Variants in ANKRD30B observed in about 807,000 individuals in gnomAD.
ANKRD30B encodes the protein ankyrin repeat domain-containing protein 30B.
Under a neutral mutation model 202.2 loss-of-function variants are expected in ANKRD30B, and 144 were observed. The observed-to-expected ratio is 0.71, with a 90% CI of 0.62 to 0.82. The LOEUF is 0.82. ANKRD30B is among the 40% of genes least tolerant of loss of function. The pLI is 0.00. For synonymous variants in ANKRD30B, 508 were observed against 561.3 expected, an observed-to-expected ratio of 0.91 and a Z score of 1.34; for missense variants, 1,487 against 1,669.1, an observed-to-expected ratio of 0.89 and a Z score of 1.90.
At chr18:14,881,690 T>G in the ANKRD30B span, among the ~76,000 whole-genome samples, 1 of 152,134 alleles carries the variant, frequency 6.6e-6, no homozygotes, top group African/African-American at 2.4e-5. Flanking sequence ...GAAGACATTC[T>G]TTGAATGTCT....
At chr18:14,884,834 C>A in the ANKRD30B span, among the ~76,000 whole-genome samples, 6 of 152,090 alleles carry the variant, frequency 3.9e-5, no homozygotes, top group African/African-American at 1.4e-4. Context: ...TCTTGACAAA[C>A]CATTCAAAAT....
chr18:14,837,658 A>G lies in ANKRD30B; in HGVS notation c.2970A>G (p.Lys990=). The G allele has an allele frequency of 6.5e-7, 1 of 1,540,118 alleles. No individual in the cohort carries two copies. The highest frequency in any genetic ancestry group is 8.7e-7 in the Non-Finnish European group (1 of 1,144,556). Residue 990 remains lysine, a synonymous_variant, in exon 36 of 44, where the codon AAA becomes AAG. Coordinates refer to ENST00000690538, the MANE Select transcript of ANKRD30B (RefSeq NM_001367607.2). The stretch of plus-strand genomic sequence containing the variant: ...AATTAGGAAGAAAAGAAGATACAAA[A>G]TCAACTTCAGATTCTGAGGTACTGT... ...TSELGRKEDT[K]STSDSEIISV... is the part of the protein sequence containing the mutation.
intron 34 of ANKRD30B, among the ~76,000 whole-genome samples, chr18:14,834,462 T>C (rs1398083548): frequency 2.0e-5 from 3 of 151,934 alleles, no homozygotes; most frequent in Admixed American, 1.3e-4. Context: ...ACAGCAAAAA[T>C]AGTGGTTTAA....
chr18:14,896,026 A>C, the ANKRD30B span, among the ~76,000 whole-genome samples: 4 of 152,220 alleles, frequency 2.6e-5, no homozygotes, highest in South Asian at 8.3e-4. Context: ...TGGTATAAAT[A>C]AATATTGGCT....
the ANKRD30B span, among the ~76,000 whole-genome samples, chr18:14,891,250 T>C: frequency 1.3e-5 from 2 of 151,756 alleles, no homozygotes; most frequent in South Asian, 4.2e-4. Context: ...TTCATTCTCT[T>C]ATTTATTTTT....
chr18:14,888,335 A>G, the ANKRD30B span, among the ~76,000 whole-genome samples: 1 of 152,016 alleles, frequency 6.6e-6, no homozygotes, highest in African/African-American at 2.4e-5. Flanking sequence ...TTATTATTAT[A>G]GCAGCCATTT....
chr18:14,794,976 A>G (rs1395761647), intron 16 of ANKRD30B, among the ~76,000 whole-genome samples: 17 of 152,210 alleles, frequency 1.1e-4, no homozygotes, highest in Non-Finnish European at 8.8e-5. Flanking sequence ...TTTTTCTTGA[A>G]GCTAAGCTTT....
chr18:14,893,613 C>CA, the ANKRD30B span, among the ~76,000 whole-genome samples: 12,803 of 126,224 alleles, frequency 0.1, 572 homozygotes, highest in South Asian at 0.18. Flanking sequence ...CTCCATCTCA[C>CA]AAAAAAAAAA....
At chr18:14,753,109 C>A (rs1230735822) in intron 3 of ANKRD30B, 97 bp downstream of exon 3, 1 of 986,320 alleles carries the variant, frequency 1.0e-6, no homozygotes, top group Non-Finnish European at 1.4e-6. Context: ...ACAAACATTC[C>A]TTGAGTGAAA....
chr18:14,837,135 TTGAG>T lies in ANKRD30B; in HGVS notation c.2848-68_2848-65del, dbSNP rs71367979. ...GTTGTTTGTCTTTCTGACAAATTGA[TTGAG>T]TGAGTGAATAAATACAATTTTTTTC... On this transcript the variant is annotated intron_variant, in intron 34 of 43. Coordinates refer to ENST00000690538, the MANE Select transcript of ANKRD30B (RefSeq NM_001367607.2). 623 of 848,838 alleles carry T rather than the reference TTGAG, an allele frequency of 7.3e-4. 2 individuals carry two copies. In the African/African-American group the frequency reaches 8.0e-3, roughly 11 times the overall value. The allele number at this position is 848,838 out of a possible 1,614,324, so 52.6% of individuals were successfully genotyped here.
the ANKRD30B span, among the ~76,000 whole-genome samples, chr18:14,862,270 G>T: frequency 6.7e-6 from 1 of 149,166 alleles, no homozygotes; most frequent in Non-Finnish European, 1.5e-5. Context: ...AAATAACAAA[G>T]GTTAGAGAAT....
rs1336948628 is a variant in ANKRD30B at position 14,748,424 on chromosome 18, A to C, written c.5A>C (p.Lys2Thr). The change falls in exon 1 of 44, where the codon AAG (lysine) becomes ACG (threonine). Residue 2 changes from lysine (K) to threonine (T), a missense_variant. Coordinates refer to ENST00000690538, the MANE Select transcript of ANKRD30B (RefSeq NM_001367607.2). ...CTCTAGCAGGGGGCTGCAGCCATGA[A>C]GAGGCTCTTAGCTGCCGCTGGCAAG... is the stretch of plus-strand genomic sequence containing the variant. MKRLLAAAGKGV... is the reference protein window; with the variant it reads MTRLLAAAGKGV... 4.0e-6 allele frequency: 6 copies of C among 1,498,344 alleles called. No individual in the cohort carries two copies. In the East Asian group the frequency reaches 1.5e-4, roughly 38 times the overall value. The allele number at this position is 1,498,344 out of a possible 1,614,324, so 92.8% of individuals were successfully genotyped here.
At chr18:14,846,071 T>A (rs976771078) in intron 39 of ANKRD30B, among the ~76,000 whole-genome samples, 22 of 92,918 alleles carry the variant, frequency 2.4e-4, no homozygotes, top group African/African-American at 6.1e-4. Context: ...CTTTCTTATT[T>A]TTTTTTTTTT....
rs572481000 is a variant in ANKRD30B, at chr18:14,780,124, A to G, written c.1482+103A>G. On this transcript the variant is annotated intron_variant, in intron 11 of 43. Coordinates refer to ENST00000690538, the MANE Select transcript of ANKRD30B (RefSeq NM_001367607.2). ...TGACTTGGTTCTCTTACCACTGCAT[A>G]TGCTCAGAAGAAATTCTGATATTTC... The G allele has an allele frequency of 1.5e-5, 12 of 827,324 alleles. No individual in the cohort carries two copies. The Admixed American group carries it at 3.3e-4, about 22-fold the overall frequency. The allele number at this position is 827,324 out of a possible 1,614,324, so 51.2% of individuals were successfully genotyped here. A position where few individuals can be genotyped will look rare whatever the true frequency, so the allele number is the denominator to read the frequency against.
intron 34 of ANKRD30B, among the ~76,000 whole-genome samples, chr18:14,833,059 C>G (rs1428661799): frequency 2.6e-5 from 4 of 151,368 alleles, no homozygotes; most frequent in Non-Finnish European, 5.9e-5. Context: ...GCGTCAGCCT[C>G]CTGTGTAGCT....
the ANKRD30B span, among the ~76,000 whole-genome samples, chr18:14,893,621 A>G: frequency 6.6e-6 from 1 of 152,228 alleles, no homozygotes; most frequent in Non-Finnish European, 1.5e-5. Flanking sequence ...CACAAAAAAA[A>G]AAAAAAGTAT....
At chr18:14,826,018 A>G (rs1260621015) in intron 32 of ANKRD30B, among the ~76,000 whole-genome samples, 1 of 152,252 alleles carries the variant, frequency 6.6e-6, no homozygotes, top group African/African-American at 2.4e-5. Flanking sequence ...ATTGAGTTCA[A>G]TGAAACATTC....
intron 26 of ANKRD30B, 72 bp downstream of exon 26, chr18:14,808,816 A>T: frequency 9.0e-6 from 12 of 1,337,468 alleles, no homozygotes; most frequent in Non-Finnish European, 1.2e-5. Flanking sequence ...AGAGCCTTTT[A>T]TTCCCAATGT....
At chr18:14,790,601 G>A (rs954068084) in intron 15 of ANKRD30B, among the ~76,000 whole-genome samples, 5 of 152,018 alleles carry the variant, frequency 3.3e-5, no homozygotes, top group East Asian at 1.9e-4. Flanking sequence ...TAGCATGAAG[G>A]GTTGTTGAAT....
Sources: gnomAD v4.1 joint callset for allele counts (sites outside exome capture counted in the v4.1 genomes callset) on GRCh38, gnomAD v4.1.1 for gene constraint, MANE v1.5 for transcripts, NCBI Gene and HGNC (gene_info 2026-07-23, HGNC 2026-07-21) for gene names.